The following KCNIP3 variants were observed in gnomAD, a reference collection of about 807,000 sequenced individuals.
The protein encoded by KCNIP3 is calsenilin.
In KCNIP3, 28 loss-of-function variants were observed where a neutral mutation model predicts 35.0. The observed-to-expected ratio is 0.80, with a 90% CI of 0.59 to 1.10. KCNIP3 has a LOEUF of 1.10. Ranked by LOEUF, KCNIP3 falls within the 50% of genes least tolerant of loss-of-function variation. KCNIP3 has a pLI of 0.00. For missense variants in KCNIP3, 295 were observed against 338.4 expected (o/e 0.87, Z 1.01); for synonymous variants, 134 against 133.8 (o/e 1.00, Z -0.01).
At chr2:95,350,392 G>T (rs1019440052) in intron 2 of KCNIP3, among the ~76,000 whole-genome samples, 3 of 152,186 alleles carry the variant, frequency 2.0e-5, no homozygotes, top group African/African-American at 7.2e-5. Flanking sequence ...CTTTGTCTTG[G>T]TCACGTTAGC....
At chr2:95,345,788 T>A (rs1573503230) in intron 2 of KCNIP3, among the ~76,000 whole-genome samples, 2 of 152,354 alleles carry the variant, frequency 1.3e-5, no homozygotes, top group East Asian at 3.9e-4. Flanking sequence ...CGGCCACGCC[T>A]CGTCCTCCCC....
intron 2 of KCNIP3, among the ~76,000 whole-genome samples, chr2:95,363,820 T>G (rs1679856897): frequency 6.6e-6 from 1 of 152,238 alleles, no homozygotes; most frequent in Non-Finnish European, 1.5e-5. Context: ...TATCTTGGTA[T>G]TTTTAATTAT....
intron 2 of KCNIP3, among the ~76,000 whole-genome samples, chr2:95,345,418 G>C (rs1288745661): frequency 1.3e-5 from 2 of 152,258 alleles, no homozygotes; most frequent in East Asian, 3.8e-4. Context: ...TCGCAGCCAC[G>C]CGCCGCGGCT....
At chr2:95,336,594 T>C (rs1395048121) in intron 2 of KCNIP3, among the ~76,000 whole-genome samples, 3 of 152,248 alleles carry the variant, frequency 2.0e-5, no homozygotes, top group African/African-American at 7.2e-5. Flanking sequence ...TCTAACAATT[T>C]TTTATTGCAT....
At chr2:95,352,441 G>A (rs1679550708) in intron 2 of KCNIP3, among the ~76,000 whole-genome samples, 1 of 152,094 alleles carries the variant, frequency 6.6e-6, no homozygotes, top group Non-Finnish European at 1.5e-5. Context: ...GTCAGAGGCT[G>A]CTGACGAGCT....
Position 95,351,561 on chromosome 2 carries a change from G to A in KCNIP3, c.182-22735G>A, listed in dbSNP as rs1350010559. ...AGCCTGGGGCGGGGTGCAGGTTTGT[G>A]GGAAGCTCAGCAGCTCCATTTGGAC... On this transcript the variant is annotated intron_variant, in intron 2 of 8. Transcript: ENST00000295225. 2.6e-5 allele frequency among the ~76,000 whole-genome samples: 4 copies of A among 152,236 alleles called. No individual in the cohort carries two copies. In the East Asian group the frequency reaches 7.7e-4, roughly 29 times the overall value.
chr2:95,307,166 G>A (rs1573479113), intron 1 of KCNIP3, among the ~76,000 whole-genome samples: 1 of 152,200 alleles, frequency 6.6e-6, no homozygotes, highest in Non-Finnish European at 1.5e-5. Context: ...CAGCCAGATG[G>A]AGGAGCCTGG....
At chr2:95,309,280 G>A (rs975396809) in intron 1 of KCNIP3, among the ~76,000 whole-genome samples, 3 of 152,186 alleles carry the variant, frequency 2.0e-5, no homozygotes, top group Admixed American at 6.5e-5. Flanking sequence ...TGCCAGCATG[G>A]GAACTGAGCA....
chr2:95,384,253 G>A lies in KCNIP3; in HGVS notation c.*204G>A. 1 of 588,096 alleles carries A rather than the reference G, an allele frequency of 1.7e-6. No individual in the cohort carries two copies. The highest frequency in any genetic ancestry group is 3.0e-6 in the Non-Finnish European group (1 of 328,760). The allele number at this position is 588,096 out of a possible 1,614,324, so 36.4% of individuals were successfully genotyped here. On this transcript the variant is annotated 3_prime_UTR_variant, in exon 9 of 9. Transcript: ENST00000295225. The stretch of plus-strand genomic sequence containing the variant: ...AGGGGACAGAGTTCAGGGAGGGGCT[G>A]AGTCTGGCTAGGGGCCGAGTCCAGG...
At chr2:95,330,901 G>A (rs1355397318) in intron 2 of KCNIP3, among the ~76,000 whole-genome samples, 3 of 152,218 alleles carry the variant, frequency 2.0e-5, no homozygotes, top group Non-Finnish European at 1.5e-5. Context: ...ATGAGTAAAC[G>A]ATATATTGCA....
chr2:95,359,516 A>G (rs1006040316), intron 2 of KCNIP3, among the ~76,000 whole-genome samples: 2 of 152,166 alleles, frequency 1.3e-5, no homozygotes, highest in East Asian at 3.9e-4. Flanking sequence ...CTCGGCAGCC[A>G]CAGGAGCTCT....
chr2:95,356,725 C>A (rs375615273), intron 2 of KCNIP3, among the ~76,000 whole-genome samples: 5 of 152,094 alleles, frequency 3.3e-5, no homozygotes, highest in African/African-American at 2.4e-5. Flanking sequence ...TTTTGGTACC[C>A]GTACCATGCT....
chr2:95,384,135 T>A lies in KCNIP3; in HGVS notation c.*86T>A. The A allele has an allele frequency of 3.3e-6, 4 of 1,202,942 alleles. No homozygotes were observed. The Admixed American group carries it at 5.1e-5, about 15-fold the overall frequency. The allele number at this position is 1,202,942 out of a possible 1,614,324, so 74.5% of individuals were successfully genotyped here. ...CCAGGAGCAGCCTCCAAGAAACTTT[T>A]AAAAAATAGATTTGCAAAAAGTGAA... On this transcript the variant is annotated 3_prime_UTR_variant, in exon 9 of 9. Transcript: ENST00000295225.
At chr2:95,300,026 A>C (rs1177719276) in intron 1 of KCNIP3, among the ~76,000 whole-genome samples, 2 of 152,192 alleles carry the variant, frequency 1.3e-5, no homozygotes, top group African/African-American at 4.8e-5. Flanking sequence ...TGTGGCTGAG[A>C]TTTGAACCCT....
chr2:95,359,975 G>A (rs1478768850), intron 2 of KCNIP3, among the ~76,000 whole-genome samples: 1 of 152,242 alleles, frequency 6.6e-6, no homozygotes, highest in Non-Finnish European at 1.5e-5. Context: ...GGCCTGTGAT[G>A]AGAGGGGCAG....
At chr2:95,373,418 T>G (rs1033871510) in intron 2 of KCNIP3, among the ~76,000 whole-genome samples, 1 of 128,906 alleles carries the variant, frequency 7.8e-6, no homozygotes, top group Admixed American at 7.6e-5. Flanking sequence ...TTTGTGGTTT[T>G]TTTTTTTTTT....
At position 95,297,503 on chromosome 2, in the gene KCNIP3, G is replaced by A. The variant is rs535106007; in HGVS notation, c.15+50G>A. 3.8e-6 allele frequency: 3 copies of A among 791,250 alleles called. 1 individual carries two copies. The highest frequency in any genetic ancestry group is 3.0e-5 in the South Asian group (2 of 66,422). 49.0% of individuals were successfully genotyped at this position (791,250 alleles called of 1,614,324 possible). On this transcript the variant is annotated intron_variant, in intron 1 of 8. Coordinates refer to ENST00000295225, the MANE Select transcript of KCNIP3 (RefSeq NM_013434.5). ...TGCTCTGGAGGGGGGTCGGGGGGAG[G>A]AATGGAGGCTTCTGGGGGTTGCTCT...
At chr2:95,323,565 A>G (rs1489485214) in intron 2 of KCNIP3, among the ~76,000 whole-genome samples, 1 of 151,954 alleles carries the variant, frequency 6.6e-6, no homozygotes, top group East Asian at 1.9e-4. Flanking sequence ...ACCAGGGGGT[A>G]GCAGGTGCCA....
chr2:95,366,848 A>AG (rs1212055140), intron 2 of KCNIP3, among the ~76,000 whole-genome samples: 1 of 152,198 alleles, frequency 6.6e-6, no homozygotes. Flanking sequence ...GTGTTTGATT[A>AG]GGTTTTTTGA....
Sources: gnomAD v4.1 joint callset for allele counts (sites outside exome capture counted in the v4.1 genomes callset) on GRCh38, gnomAD v4.1.1 for gene constraint, MANE v1.5 for transcripts, NCBI Gene and HGNC (gene_info 2026-07-23, HGNC 2026-07-21) for gene names.